Variants in MYL10 observed in about 807,000 individuals in gnomAD.
The protein encoded by MYL10 is myosin regulatory light chain 10.
A neutral mutation model predicts 21.9 loss-of-function variants in MYL10; 18 were observed. That is an observed-to-expected ratio of 0.82 (90% CI 0.57 to 1.22). The LOEUF is 1.22. Ranked by LOEUF, MYL10 falls within the 50% of genes most tolerant of loss-of-function variation. The pLI is 0.00. For synonymous variants in MYL10, 88 were observed against 82.8 expected, an observed-to-expected ratio of 1.06 and a Z score of -0.34; for missense variants, 225 against 230.4, an observed-to-expected ratio of 0.98 and a Z score of 0.15.
At chr7:101,621,232 G>A (rs533648278) in intron 5 of MYL10, among the ~76,000 whole-genome samples, 1 of 152,116 alleles carries the variant, frequency 6.6e-6, no homozygotes, top group Non-Finnish European at 1.5e-5. Flanking sequence ...CGGGTACAGT[G>A]GTTAGAGCCA....
chr7:101,620,762 C>T (rs1274366033), intron 5 of MYL10, among the ~76,000 whole-genome samples: 1 of 150,810 alleles, frequency 6.6e-6, no homozygotes, highest in Non-Finnish European at 1.5e-5. Context: ...GGGACCACTG[C>T]CTGGGCTGAC....
intron 4 of MYL10, 85 bp downstream of exon 4, chr7:101,622,912 C>CCGCG: frequency 7.8e-7 from 1 of 1,289,356 alleles, no homozygotes; most frequent in South Asian, 1.2e-5. Flanking sequence ...CTCACGCTCA[C>CCGCG]CGCGAGCCCT....
In MYL10 at chr7:101,620,905, C is replaced by CA. The variant is rs1796670258; in HGVS notation, c.454+1190dup. ...CCAGGTTCAAGCGATTCTCCTGCCT[C>CA]AGCCTCCCGAGCAGCTGGGATTACG... On this transcript the variant is annotated intron_variant, in intron 5 of 7. Transcript: ENST00000223167. Among the ~76,000 whole-genome samples the CA allele has an allele frequency of 2.0e-5, 3 of 151,888 alleles. 1 individual carries two copies. The South Asian group carries it at 6.2e-4, about 32-fold the overall frequency.
Position 101,624,254 on chromosome 7 carries a change from C to T in MYL10, c.89G>A (p.Arg30Lys), listed in dbSNP as rs1393282682. The T allele has an allele frequency of 6.2e-7, 1 of 1,612,944 alleles. No homozygotes were observed. The highest frequency in any genetic ancestry group is 2.2e-5 in the East Asian group (1 of 44,848). The stretch of plus-strand genomic sequence containing the variant: ...GGTGCCTTCTGCTCTTTTCCGAGCT[C>T]TTCTCGGTGCCTGCGAGGTAGCAGA... ...PKVLGLQAPR[R>K]ARKRAEGTAS... Residue 30 changes from arginine to lysine, a missense_variant, in exon 2 of 8, where the codon AGA (arginine) becomes AAA (lysine). By Grantham distance (26) the Arg-to-Lys change is conservative. Transcript: ENST00000223167.
chr7:101,616,560 C>T (rs1284568722), intron 5 of MYL10, among the ~76,000 whole-genome samples: 1 of 152,244 alleles, frequency 6.6e-6, no homozygotes, highest in Non-Finnish European at 1.5e-5. Context: ...ACCTGAGCAA[C>T]TGTACACGGA....
At position 101,624,006 on chromosome 7, in the gene MYL10, G is replaced by A. The variant is rs1398270962; in HGVS notation, c.187C>T (p.Pro63Ser). The change falls in exon 3 of 8, where the codon CCC becomes TCC. Residue 63 changes from proline to serine, a missense_variant. Physicochemically the swap from Pro to Ser is moderately conservative, Grantham distance 74 (BLOSUM62 -1). Transcript: ENST00000223167. ...ATCATGCCATTGCGCTCCAGCCTGG[G>A]CGACAGAGCCAGACTCTGTCAAACA... is the stretch of plus-strand genomic sequence containing the variant. ...QEFKESLALSPRLERNGMISA... is the reference protein window; with the variant it reads ...QEFKESLALSSRLERNGMISA... 2 of 606,352 alleles carry A rather than the reference G, an allele frequency of 3.3e-6. No homozygotes were observed. Among genetic ancestry groups the A allele is most frequent in the Non-Finnish European group, 5.8e-6 (2 of 341,990 alleles). 37.6% of individuals were successfully genotyped at this position (606,352 alleles called of 1,614,324 possible). A position where few individuals can be genotyped will look rare whatever the true frequency, so the allele number is the denominator to read the frequency against.
Position 101,613,545 on chromosome 7 carries a change from G to A in MYL10, c.611C>T (p.Pro204Leu), listed in dbSNP as rs772519974. Residue 204 changes from proline to leucine, a missense_variant, in exon 8 of 8, where the codon CCA (proline) becomes CTA (leucine). Physicochemically the swap from Pro to Leu is moderately conservative, Grantham distance 98 (BLOSUM62 -3). Transcript: ENST00000223167. ...EVKQMFAAFPPDVCGNLDYRN... is the reference protein window; with the variant it reads ...EVKQMFAAFPLDVCGNLDYRN... The stretch of plus-strand genomic sequence containing the variant: ...GTAGTCCAGGTTGCCGCACACATCT[G>A]GGGGAAATGCTGCAAACATCTGCTT... 8.7e-6 allele frequency: 14 copies of A among 1,613,980 alleles called. No homozygotes were observed. Among genetic ancestry groups the A allele is most frequent in the Non-Finnish European group, 1.1e-5 (13 of 1,180,004 alleles).
chr7:101,614,049 T>A (rs1215303618), intron 6 of MYL10, among the ~76,000 whole-genome samples: 1 of 151,854 alleles, frequency 6.6e-6, no homozygotes, highest in East Asian at 1.9e-4. Flanking sequence ...CCGCAGAGCC[T>A]CTTTTGCCTG....
chr7:101,614,811 C>T (rs140389255), intron 6 of MYL10, among the ~76,000 whole-genome samples: 1 of 152,258 alleles, frequency 6.6e-6, no homozygotes, highest in Non-Finnish European at 1.5e-5. Context: ...CGTCTGCCCT[C>T]TCCCTTTGAG....
intron 1 of MYL10, among the ~76,000 whole-genome samples, chr7:101,627,120 C>T (rs1455451584): frequency 6.7e-6 from 1 of 149,352 alleles, no homozygotes; most frequent in Non-Finnish European, 1.5e-5. Context: ...GGTGAAACCC[C>T]GTCTCTACCA....
chr7:101,615,646 C>T (rs1324279465), intron 6 of MYL10, among the ~76,000 whole-genome samples: 2 of 148,570 alleles, frequency 1.3e-5, no homozygotes, highest in African/African-American at 2.5e-5. Flanking sequence ...CTGCCTTTGC[C>T]CCCACACCCA....
At chr7:101,619,714 C>A (rs529997600) in intron 5 of MYL10, among the ~76,000 whole-genome samples, 1 of 151,466 alleles carries the variant, frequency 6.6e-6, no homozygotes, top group East Asian at 2.0e-4. Context: ...ACAGTGAAAC[C>A]CCATCTCCAC....
chr7:101,623,033 C>T lies in MYL10; in HGVS notation c.313G>A (p.Asp105Asn), dbSNP rs373940709. ...AAGGTGTCCCTCAAGTCCTCTTTGT[C>T]GATGAAGCCATCACGGTTCTGGTCC... ...IMDQNRDGFI[D>N]KEDLRDTFAA... Residue 105 changes from aspartate (D) to asparagine (N), a missense_variant, in exon 4 of 8, where the codon GAC becomes AAC. Transcript: ENST00000223167. 10 of 1,614,058 alleles carry T rather than the reference C, an allele frequency of 6.2e-6. No homozygotes were observed. Among genetic ancestry groups the T allele is most frequent in the East Asian group, 2.2e-5 (1 of 44,866 alleles).
rs1584541126 is a variant in MYL10, at chr7:101,623,662, T to C, written c.273+258A>G. On this transcript the variant is annotated intron_variant, in intron 3 of 7. Transcript: ENST00000223167. ...GGGAGCATTGACTGCAACACTGTAC[T>C]CCAGCCTGGGTAACAGAGCAAGACC... 5.5e-5 allele frequency among the ~76,000 whole-genome samples: 7 copies of C among 128,200 alleles called. No individual in the cohort carries two copies. The South Asian group carries it at 1.2e-3, about 23-fold the overall frequency. 84.1% of individuals were successfully genotyped at this position (128,200 alleles called of 152,430 possible). A position where few individuals can be genotyped will look rare whatever the true frequency, so the allele number is the denominator to read the frequency against.
In MYL10 at chr7:101,613,807, G is replaced by A. The variant is rs373795908; in HGVS notation, c.534-97C>T. The A allele has an allele frequency of 1.7e-5, 20 of 1,162,466 alleles. No individual in the cohort carries two copies. In the African/African-American group the frequency reaches 2.9e-4, roughly 17 times the overall value. The allele number at this position is 1,162,466 out of a possible 1,614,324, so 72.0% of individuals were successfully genotyped here. A position where few individuals can be genotyped will look rare whatever the true frequency, so the allele number is the denominator to read the frequency against. ...GATGAGGGGCAAGTGGGGGCAGGGG[G>A]ACATCCTGGACCAGGAGGACATCAA... is the stretch of plus-strand genomic sequence containing the variant. On this transcript the variant is annotated intron_variant, in intron 6 of 7. Coordinates refer to ENST00000223167, the MANE Select transcript of MYL10 (RefSeq NM_138403.5).
intron 1 of MYL10, among the ~76,000 whole-genome samples, chr7:101,625,855 C>T (rs1436747911): frequency 1.3e-5 from 2 of 152,180 alleles, no homozygotes; most frequent in African/African-American, 4.8e-5. Flanking sequence ...GGAGGTTCTG[C>T]CCTTTCTCTG....
chr7:101,618,036 C>T (rs1217311870), intron 5 of MYL10, among the ~76,000 whole-genome samples: 1 of 152,262 alleles, frequency 6.6e-6, no homozygotes, highest in East Asian at 1.9e-4. Context: ...TCAGGGCCAT[C>T]TGTGCCTCCC....
chr7:101,624,275 G>A lies in MYL10; in HGVS notation c.79-11C>T, dbSNP rs536487191. The A allele has an allele frequency of 1.4e-5, 22 of 1,608,476 alleles. No homozygotes were observed. The East Asian group carries it at 2.2e-4, about 16-fold the overall frequency. ...AGCTCTTCTCGGTGCCTGCGAGGTA[G>A]CAGACAAGGCCTTGCAGCGGCCCCT... On this transcript the variant is annotated splice_polypyrimidine_tract_variant and intron_variant, in intron 1 of 7. Transcript: ENST00000223167.
At position 101,616,376 on chromosome 7, in the gene MYL10, G is replaced by C; in HGVS notation, c.455-78C>G. On this transcript the variant is annotated intron_variant, in intron 5 of 7. Coordinates refer to ENST00000223167, the MANE Select transcript of MYL10 (RefSeq NM_138403.5). ...AGGGACAGGCACAAGGCTGGGCAGG[G>C]GCTGGGGCTGGGGGCAAGTCCCACG... is the stretch of plus-strand genomic sequence containing the variant. 2.6e-6 allele frequency: 3 copies of C among 1,156,486 alleles called. No individual in the cohort carries two copies. The South Asian group carries it at 3.8e-5, about 15-fold the overall frequency. The allele number at this position is 1,156,486 out of a possible 1,614,324, so 71.6% of individuals were successfully genotyped here. A position where few individuals can be genotyped will look rare whatever the true frequency, so the allele number is the denominator to read the frequency against.
Sources: allele counts gnomAD v4.1 joint callset (sites outside exome capture counted in the v4.1 genomes callset), GRCh38; gene constraint gnomAD v4.1.1; transcripts MANE v1.5; gene names NCBI Gene and HGNC (gene_info 2026-07-23, HGNC 2026-07-21).